Variants in DNMBP observed in about 807,000 individuals in gnomAD.
DNMBP encodes dynamin binding protein.
In DNMBP, 87 loss-of-function variants were observed where a neutral mutation model predicts 150.0. That is an observed-to-expected ratio of 0.58 (90% CI 0.49 to 0.69). The LOEUF (loss-of-function observed/expected upper bound fraction) is 0.69. Among genes scored for constraint, DNMBP ranks in the 30% least tolerant of loss-of-function variants. DNMBP has a pLI of 0.00. For synonymous variants in DNMBP, 711 were observed against 750.4 expected (o/e 0.95, Z 0.86); for missense variants, 1,774 against 1,949.0 (o/e 0.91, Z 1.69).
chr10:99,964,933 A>G (rs2040605587), intron 3 of DNMBP, among the ~76,000 whole-genome samples: 1 of 151,576 alleles, frequency 6.6e-6, no homozygotes, highest in Non-Finnish European at 1.5e-5. Context: ...GGAATAGTCC[A>G]AAACAATTAC....
chr10:99,933,743 TTG>T (rs1750999356), intron 4 of DNMBP, among the ~76,000 whole-genome samples: 5 of 152,274 alleles, frequency 3.3e-5, no homozygotes, highest in Non-Finnish European at 7.4e-5. Context: ...TTTTGTTTTT[TTG>T]TTTTTTTTTG....
chr10:99,929,114 A>T (rs1396858826), intron 4 of DNMBP, among the ~76,000 whole-genome samples: 1 of 152,176 alleles, frequency 6.6e-6, no homozygotes, highest in East Asian at 1.9e-4. Flanking sequence ...ACTGTTCTCC[A>T]GCCAGGGGGA....
chr10:99,977,037 G>T (rs1256520727), intron 1 of DNMBP, among the ~76,000 whole-genome samples: 1 of 152,160 alleles, frequency 6.6e-6, no homozygotes, highest in Non-Finnish European at 1.5e-5. Context: ...CTTGTAATCT[G>T]AAAGAGTTAA....
At chr10:99,960,607 G>A (rs2040554002) in intron 3 of DNMBP, among the ~76,000 whole-genome samples, 1 of 152,180 alleles carries the variant, frequency 6.6e-6, no homozygotes, top group South Asian at 2.1e-4. Context: ...AGGAGTTCAA[G>A]ACTAGCCTGG....
At chr10:99,914,012 C>T (rs1248993519) in intron 4 of DNMBP, 39 of 1,508,298 alleles carry the variant, frequency 2.6e-5, no homozygotes, top group Non-Finnish European at 3.5e-5. Flanking sequence ...GCAGGCGGGA[C>T]AGAATCTTCC....
At chr10:99,990,804 TATACAC>T (rs2040881063) in intron 1 of DNMBP, among the ~76,000 whole-genome samples, 4 of 92,946 alleles carry the variant, frequency 4.3e-5, no homozygotes, top group African/African-American at 1.0e-4. Context: ...TACACACATA[TATACAC>T]ATATATATAT....
rs746386010 is a variant in DNMBP, at chr10:99,908,111, A to G, written c.2455-17T>C. ...GTTTGGTACCTGAGAAAAGGAAACA[A>G]AACATAAAAATGCACGGAAATGAGC... On this transcript the variant is annotated splice_polypyrimidine_tract_variant and intron_variant, in intron 5 of 16. Transcript: ENST00000324109. 1.3e-6 allele frequency: 2 copies of G among 1,565,022 alleles called. No individual in the cohort carries two copies. Among genetic ancestry groups the G allele is most frequent in the Middle Eastern group, 1.7e-4 (1 of 5,998 alleles).
At chr10:99,979,046 G>T (rs1003069853) in intron 1 of DNMBP, among the ~76,000 whole-genome samples, 1 of 152,046 alleles carries the variant, frequency 6.6e-6, no homozygotes, top group Admixed American at 6.6e-5. Flanking sequence ...AACACAGTTG[G>T]ATGAGAATTT....
rs115173074 is a variant in DNMBP at position 99,947,711 on chromosome 10, C to T, written c.2260+7503G>A. ...TGTAACAAATCTGCATATGTACTCC[C>T]TGAATCTAACATTTAAAAGTTAAAA... On this transcript the variant is annotated intron_variant, in intron 4 of 16. Transcript: ENST00000324109. Among the ~76,000 whole-genome samples, 655 of 152,220 alleles carry T rather than the reference C, an allele frequency of 4.3e-3. 4 individuals are homozygous for T. Among genetic ancestry groups the T allele is most frequent in the African/African-American group, 0.015 (620 of 41,540 alleles).
chr10:99,970,739 G>A (rs999877289), intron 2 of DNMBP, among the ~76,000 whole-genome samples: 39 of 151,828 alleles, frequency 2.6e-4, no homozygotes, highest in African/African-American at 9.4e-4. Context: ...TTGGGAGGCC[G>A]AGGCAGGCGG....
At chr10:99,892,241 C>T (rs1366748078) in intron 11 of DNMBP, among the ~76,000 whole-genome samples, 1 of 150,430 alleles carries the variant, frequency 6.6e-6, no homozygotes, top group Non-Finnish European at 1.5e-5. Context: ...CCGGCCACCA[C>T]CCCGTCTGGG....
chr10:99,947,650 T>C (rs1018572233), intron 4 of DNMBP, among the ~76,000 whole-genome samples: 9 of 152,126 alleles, frequency 5.9e-5, no homozygotes, highest in South Asian at 2.1e-4. Flanking sequence ...ATGGGATCAA[T>C]TGAAGCCCAA....
At chr10:99,993,870 T>C (rs2040924399) in intron 1 of DNMBP, among the ~76,000 whole-genome samples, 1 of 152,138 alleles carries the variant, frequency 6.6e-6, no homozygotes, top group Admixed American at 6.6e-5. Flanking sequence ...TGAAAAAAGC[T>C]AGAAATTTAA....
At chr10:99,953,291 GTCTC>G (rs2040444644) in intron 4 of DNMBP, among the ~76,000 whole-genome samples, 1 of 151,224 alleles carries the variant, frequency 6.6e-6, no homozygotes, top group Non-Finnish European at 1.5e-5. Context: ...TAAGAGACAG[GTCTC>G]TCTATGTTGC....
rs1043339124 is a variant in DNMBP at position 99,885,766 on chromosome 10, T to G, written c.3719A>C (p.Glu1240Ala). The G allele has an allele frequency of 1.2e-6, 2 of 1,608,104 alleles. No homozygotes were observed. Among genetic ancestry groups the G allele is most frequent in the Non-Finnish European group, 8.5e-7 (1 of 1,176,934 alleles). ...TGGCTTCTTGGTAGCTGGAAGAGAC[T>G]CCGGGAAGAAGGTAAAAACCTGGAG... ...QQLQVFTFFP[E>A]SLPATKKPFE... Residue 1240 changes from glutamate to alanine, a missense_variant, in exon 14 of 17, where the codon GAG becomes GCG. Transcript: ENST00000324109.
intron 1 of DNMBP, among the ~76,000 whole-genome samples, chr10:99,978,870 T>C (rs2040755537): frequency 6.6e-6 from 1 of 152,176 alleles, no homozygotes; most frequent in South Asian, 2.1e-4. Flanking sequence ...CCACCACGCC[T>C]GGCCAGCAGT....
At chr10:99,982,418 T>G (rs2040788361) in intron 1 of DNMBP, among the ~76,000 whole-genome samples, 1 of 151,978 alleles carries the variant, frequency 6.6e-6, no homozygotes, top group Admixed American at 6.6e-5. Context: ...CAATCCAGCC[T>G]GGGCAACAGA....
chr10:99,897,918 AAAT>A (rs778209623), intron 9 of DNMBP, 165 bp downstream of exon 9: 22 of 637,504 alleles, frequency 3.5e-5, no homozygotes, highest in Middle Eastern at 2.5e-4. Flanking sequence ...GTCTCAAAAA[AAAT>A]AATAATAAAA....
At chr10:99,976,785 T>TAAA (rs112087041) in intron 1 of DNMBP, among the ~76,000 whole-genome samples, 16 of 146,560 alleles carry the variant, frequency 1.1e-4, no homozygotes, top group South Asian at 2.2e-4. Context: ...AGTATTTTCT[T>TAAA]AAAAAAAAAA....
Sources: allele counts gnomAD v4.1 joint callset (sites outside exome capture counted in the v4.1 genomes callset), GRCh38; gene constraint gnomAD v4.1.1; transcripts MANE v1.5; gene names NCBI Gene and HGNC (gene_info 2026-07-23, HGNC 2026-07-21).